SLC22A31: variants seen among roughly 807,000 people sequenced by gnomAD.
The protein encoded by SLC22A31 is solute carrier family 22 member 31.
A neutral mutation model predicts 27.4 loss-of-function variants in SLC22A31; 42 were observed. The observed-to-expected ratio is 1.53, with a 90% confidence interval of 1.20 to 1.98. The LOEUF (loss-of-function observed/expected upper bound fraction) is 1.98. Among genes scored for constraint, SLC22A31 ranks in the 30% most tolerant of loss-of-function variants. The pLI is 0.00. For synonymous variants in SLC22A31, 290 were observed against 230.8 expected (o/e 1.26, Z -2.33); for missense variants, 593 against 479.9 (o/e 1.24, Z -2.20).
rs1450729750 is a variant in SLC22A31, at chr16:89,199,168, G to A, written c.307C>T (p.His103Tyr). The stretch of plus-strand genomic sequence containing the variant: ...GCCCCCATGGAGAAGGCCAGGCGGT[G>A]GGGAGGGTCACACAACTCCAGGCCT... ...LARLELCDPPHRLAFSMGAGL... is the reference protein window; with the variant it reads ...LARLELCDPPYRLAFSMGAGL... The change falls in exon 4 of 9, where the codon CAC becomes TAC. Residue 103 changes from histidine to tyrosine, a missense_variant. Coordinates refer to ENST00000682282, the MANE Select transcript of SLC22A31 (RefSeq NM_001384763.1). The A allele has an allele frequency of 2.5e-5, 39 of 1,531,046 alleles. No individual in the cohort carries two copies. Among genetic ancestry groups the A allele is most frequent in the Non-Finnish European group, 2.4e-5 (27 of 1,144,862 alleles). 94.8% of individuals were successfully genotyped at this position (1,531,046 alleles called of 1,614,324 possible).
upstream of SLC22A31, chr16:89,200,995 G>A (rs1286552629): frequency 1.1e-5 from 4 of 349,650 alleles, no homozygotes; most frequent in Non-Finnish European, 2.1e-5. Context: ...GGCGCCTTCG[G>A]CTCCAATCCT....
upstream of SLC22A31, chr16:89,201,587 C>T (rs1916620575): frequency 5.0e-6 from 2 of 398,636 alleles, no homozygotes; most frequent in Non-Finnish European, 8.9e-6. Context: ...TGCAGGGTAC[C>T]CACGAGGCGG....
intron 3 of SLC22A31, 21 bp from the exon 4 acceptor site, chr16:89,199,212 T>A: frequency 6.6e-7 from 1 of 1,510,532 alleles, no homozygotes. Flanking sequence ...ACAGACAGGT[T>A]GAAGTGGAGG....
upstream of SLC22A31, chr16:89,201,630 C>G: frequency 2.5e-6 from 1 of 398,078 alleles, no homozygotes; most frequent in Admixed American, 4.4e-5. Context: ...GCCAAAGCCG[C>G]CCGCAGCTCT....
chr16:89,196,250 G>C lies in SLC22A31; in HGVS notation c.1090C>G (p.Pro364Ala), dbSNP rs759804250. The change falls in exon 9 of 9, where the codon CCC (proline) becomes GCC (alanine). Residue 364 changes from proline (P) to alanine (A), a missense_variant. Physicochemically the swap from Pro to Ala is conservative, Grantham distance 27 (BLOSUM62 -1). Transcript: ENST00000682282. ...TGCCGGCCGTGCAGGGTGTCCAGGG[G>C]GCCGGCTGCCTGGCCCAGGAACCCG... ...GAGFLGQAAG[P>A]LDTLHGRQGF... is the part of the protein sequence containing the mutation. 4.6e-6 allele frequency: 7 copies of C among 1,533,256 alleles called. No individual in the cohort carries two copies. The highest frequency in any genetic ancestry group is 6.1e-6 in the Non-Finnish European group (7 of 1,146,146). 95.0% of individuals were successfully genotyped at this position (1,533,256 alleles called of 1,614,324 possible).
chr16:89,197,068 C>G (rs555661904), intron 8 of SLC22A31, among the ~76,000 whole-genome samples: 1 of 152,174 alleles, frequency 6.6e-6, no homozygotes, highest in African/African-American at 2.4e-5. Context: ...GCCTGCGTGG[C>G]CTTCCCTCCC....
chr16:89,197,369 C>A lies in SLC22A31; in HGVS notation c.963G>T (p.Gly321=). The stretch of plus-strand genomic sequence containing the variant: ...CGGACACAGCCCGGGAGGCCAGGAG[C>A]CCCAGGACAGAGAGGAACAGCACAG... ...GWTVLFLSVL[G]LLASRAVSAL... Residue 321 remains glycine (G), a synonymous_variant, in exon 8 of 9, where the codon GGG becomes GGT. Coordinates refer to ENST00000682282, the MANE Select transcript of SLC22A31 (RefSeq NM_001384763.1). 1 of 1,535,772 alleles carries A rather than the reference C, an allele frequency of 6.5e-7. No individual in the cohort carries two copies. Among genetic ancestry groups the A allele is most frequent in the Non-Finnish European group, 8.7e-7 (1 of 1,146,778 alleles).
In SLC22A31 at chr16:89,199,192, C is replaced by A. The variant is rs554765357; in HGVS notation, c.284-1G>T. The A allele has an allele frequency of 1.2e-5, 19 of 1,526,000 alleles. No homozygotes were observed. The South Asian group carries it at 2.2e-4, about 17-fold the overall frequency. 94.5% of individuals were successfully genotyped at this position (1,526,000 alleles called of 1,614,324 possible). ...TGGGGAGGGTCACACAACTCCAGGCCTGGGCAGACACAGACAGGTTGAAGT... is the reference window on the plus strand; with the variant it reads ...TGGGGAGGGTCACACAACTCCAGGCATGGGCAGACACAGACAGGTTGAAGT... On this transcript the variant is annotated splice_acceptor_variant, in intron 3 of 8. Coordinates refer to ENST00000682282, the MANE Select transcript of SLC22A31 (RefSeq NM_001384763.1). LOFTEE classifies it high-confidence loss of function.
At chr16:89,201,604 G>A (rs1183098746), upstream of SLC22A31, 1 of 398,648 alleles carries the variant, frequency 2.5e-6, no homozygotes, top group Non-Finnish European at 4.4e-6. Context: ...GCGGAGGCCA[G>A]CAGGCGCCGG....
At position 89,198,273 on chromosome 16, in the gene SLC22A31, G is replaced by A; in HGVS notation, c.771C>T (p.Phe257=). ...RRSLAPQVPT[F]YLPYFLEAGL... is the part of the protein sequence containing the mutation. ...CGGCCTCCAGGAAGTAGGGCAGGTAGAAGGTCGGCACCTGAGGTGCCAGGC... is the reference window on the plus strand; with the variant it reads ...CGGCCTCCAGGAAGTAGGGCAGGTAAAAGGTCGGCACCTGAGGTGCCAGGC... Residue 257 remains phenylalanine, a synonymous_variant, in exon 7 of 9, where the codon TTC becomes TTT. Coordinates refer to ENST00000682282, the MANE Select transcript of SLC22A31 (RefSeq NM_001384763.1). 6.5e-7 allele frequency: 1 copy of A among 1,535,858 alleles called. No individual in the cohort carries two copies. Among genetic ancestry groups the A allele is most frequent in the Non-Finnish European group, 8.7e-7 (1 of 1,146,898 alleles).
At chr16:89,199,590 C>G in intron 2 of SLC22A31, 23 bp from the exon 3 acceptor site, 1 of 436,396 alleles carries the variant, frequency 2.3e-6, no homozygotes, top group African/African-American at 2.0e-5. Context: ...GGGGGACATG[C>G]TTGGACAGGG....
At chr16:89,200,042 C>T (rs1916398302) in intron 1 of SLC22A31, 2 of 387,302 alleles carry the variant, frequency 5.2e-6, no homozygotes, top group Non-Finnish European at 9.1e-6. Context: ...GGGATCTGCC[C>T]ACCCTAAGTT....
intron 8 of SLC22A31, 135 bp from the exon 9 acceptor site, chr16:89,196,440 C>T (rs1915930560): frequency 8.3e-7 from 1 of 1,200,774 alleles, no homozygotes; most frequent in Admixed American, 3.5e-5. Flanking sequence ...GGAACCCGGC[C>T]CCCAGCACCA....
chr16:89,201,510 G>T (rs917017387), upstream of SLC22A31: 5 of 397,224 alleles, frequency 1.3e-5, no homozygotes, highest in African/African-American at 4.1e-5. Context: ...CGTGGGGTCC[G>T]GTCGGCAGTG....
At chr16:89,200,451 G>C (rs1183362168) in intron 1 of SLC22A31, 27 bp downstream of exon 1, 2 of 152,426 alleles carry the variant, frequency 1.3e-5, no homozygotes, top group African/African-American at 2.4e-5. Flanking sequence ...GCCGTGCTAT[G>C]CCCGAGATTT....
chr16:89,198,704 G>GGGC lies in SLC22A31; in HGVS notation c.545_546insGCC (p.Ala182_Ser183insPro). 6.5e-7 allele frequency: 1 copy of GGGC among 1,535,774 alleles called. No individual in the cohort carries two copies. Among genetic ancestry groups the GGGC allele is most frequent in the Non-Finnish European group, 8.7e-7 (1 of 1,146,792 alleles). The stretch of plus-strand genomic sequence containing the variant: ...AACTGTCCCCGGGGCCCACGCCACT[G>GGGC]GCTTCTGCAAAGCGCCACAGGATCT... On this transcript the variant is annotated inframe_insertion, in exon 5 of 9. Coordinates refer to ENST00000682282, the MANE Select transcript of SLC22A31 (RefSeq NM_001384763.1).
chr16:89,195,774 T>G lies in SLC22A31; in HGVS notation c.*225A>C. 1 of 483,008 alleles carries G rather than the reference T, an allele frequency of 2.1e-6. No individual in the cohort carries two copies. Among genetic ancestry groups the G allele is most frequent in the Non-Finnish European group, 3.6e-6 (1 of 279,380 alleles). 29.9% of individuals were successfully genotyped at this position (483,008 alleles called of 1,614,324 possible). A position where few individuals can be genotyped will look rare whatever the true frequency, so the allele number is the denominator to read the frequency against. On this transcript the variant is annotated 3_prime_UTR_variant, in exon 9 of 9. Transcript: ENST00000682282. ...GAGGACGCCAAGTTCCACAGAAGCC[T>G]TTATCCTCCACACCTACTGGGTGTG...
Position 89,196,367 on chromosome 16 carries a change from C to G in SLC22A31, c.1035-62G>C, listed in dbSNP as rs923949312. 20 of 1,004,980 alleles carry G rather than the reference C, an allele frequency of 2.0e-5. No homozygotes were observed. In the African/African-American group the frequency reaches 2.7e-4, roughly 14 times the overall value. 62.3% of individuals were successfully genotyped at this position (1,004,980 alleles called of 1,614,324 possible). On this transcript the variant is annotated intron_variant, in intron 8 of 8. Coordinates refer to ENST00000682282, the MANE Select transcript of SLC22A31 (RefSeq NM_001384763.1). Reference sequence around the variant, plus strand: ...TGGCCCAGGAACCCGGCCCCCAGCACCAGGCCCAGCCCGGCCCCCCTGTGG... The same window carrying G: ...TGGCCCAGGAACCCGGCCCCCAGCAGCAGGCCCAGCCCGGCCCCCCTGTGG...
At position 89,195,875 on chromosome 16, in the gene SLC22A31, C is replaced by A; in HGVS notation, c.*124G>T. 8.4e-7 allele frequency: 1 copy of A among 1,186,914 alleles called. No homozygotes were observed. Among genetic ancestry groups the A allele is most frequent in the Non-Finnish European group, 1.1e-6 (1 of 879,334 alleles). The allele number at this position is 1,186,914 out of a possible 1,614,324, so 73.5% of individuals were successfully genotyped here. On this transcript the variant is annotated 3_prime_UTR_variant, in exon 9 of 9. Coordinates refer to ENST00000682282, the MANE Select transcript of SLC22A31 (RefSeq NM_001384763.1). ...CCTTCACGCTGTCCCCACGGCTCCACCTGCACTGAGACACGGGCTTCTGAG... is the reference window on the plus strand; with the variant it reads ...CCTTCACGCTGTCCCCACGGCTCCAACTGCACTGAGACACGGGCTTCTGAG...
Sources: allele counts gnomAD v4.1 joint callset (sites outside exome capture counted in the v4.1 genomes callset), GRCh38; gene constraint gnomAD v4.1.1; transcripts MANE v1.5; gene names NCBI Gene and HGNC (gene_info 2026-07-23, HGNC 2026-07-21).